The following FRG1 variants were observed in gnomAD, a reference collection of about 807,000 sequenced individuals.
The protein encoded by FRG1 is FSHD region gene 1.
In FRG1, 19 loss-of-function variants were observed where a neutral mutation model predicts 37.0. The observed-to-expected ratio is 0.51, with a 90% CI of 0.36 to 0.75. The LOEUF (loss-of-function observed/expected upper bound fraction) is 0.75, where lower values mean the gene tolerates loss of function less well. Among genes scored for constraint, FRG1 ranks in the 30% least tolerant of loss-of-function variants. FRG1 has a pLI of 0.00. For missense variants in FRG1, 243 were observed against 301.4 expected (o/e 0.81, Z 1.44); for synonymous variants, 73 against 96.5 (o/e 0.76, Z 1.43).
chr4:189,945,202 G>T (rs1181785128), intron 2 of FRG1, among the ~76,000 whole-genome samples: 1 of 152,180 alleles, frequency 6.6e-6, no homozygotes, highest in African/African-American at 2.4e-5. Flanking sequence ...TATGTTTCCT[G>T]TGACTATCGT....
At chr4:189,962,888 T>C (rs1028421285) in intron 8 of FRG1, among the ~76,000 whole-genome samples, 1 of 152,174 alleles carries the variant, frequency 6.6e-6, no homozygotes, top group African/African-American at 2.4e-5. Flanking sequence ...TAGGCAACAT[T>C]TATTGAATAT....
chr4:189,945,559 T>A (rs1007064368), intron 2 of FRG1, among the ~76,000 whole-genome samples: 2 of 152,186 alleles, frequency 1.3e-5, no homozygotes, highest in African/African-American at 2.4e-5. Context: ...CATTTTCAAC[T>A]TTTAAACTAA....
intron 7 of FRG1, 76 bp downstream of exon 7, chr4:189,960,915 C>T: frequency 1.3e-6 from 2 of 1,532,258 alleles, no homozygotes; most frequent in Non-Finnish European, 1.8e-6. Flanking sequence ...AATAAATTAC[C>T]TACTTAGCTG....
chr4:189,951,323 A>C (rs539375539), intron 2 of FRG1, among the ~76,000 whole-genome samples: 1 of 152,048 alleles, frequency 6.6e-6, no homozygotes, highest in East Asian at 1.9e-4. Context: ...CCCCGTGTCT[A>C]CTAAAAATAC....
chr4:189,947,121 C>T (rs1289765515), intron 2 of FRG1, among the ~76,000 whole-genome samples: 1 of 152,236 alleles, frequency 6.6e-6, no homozygotes, highest in Non-Finnish European at 1.5e-5. Context: ...GGGATCCAGG[C>T]GTGAGCCGCG....
intron 6 of FRG1, among the ~76,000 whole-genome samples, chr4:189,959,347 G>A (rs1256133496): frequency 6.6e-6 from 1 of 152,162 alleles, no homozygotes; most frequent in South Asian, 2.1e-4. Flanking sequence ...GTGGATGTGA[G>A]CTCAGCATTA....
intron 2 of FRG1, among the ~76,000 whole-genome samples, chr4:189,950,306 C>G (rs113034067): frequency 7.4e-3 from 963 of 130,460 alleles, no homozygotes; most frequent in Middle Eastern, 0.013. Flanking sequence ...AATATTTTCT[C>G]CATTCCCTGG....
intron 7 of FRG1, chr4:189,961,293 C>T (rs1315252402): frequency 5.0e-5 from 8 of 158,940 alleles, no homozygotes; most frequent in Admixed American, 6.2e-5. Flanking sequence ...AGCCAGCATG[C>T]CCTAATAGAA....
At chr4:189,954,969 C>A in intron 4 of FRG1, 68 bp from the exon 5 acceptor site, 1 of 910,810 alleles carries the variant, frequency 1.1e-6, no homozygotes, top group East Asian at 2.6e-5. Flanking sequence ...ATACGCATGT[C>A]CTGTTTTGAT....
intron 2 of FRG1, among the ~76,000 whole-genome samples, chr4:189,945,276 A>G (rs1736477257): frequency 6.6e-6 from 1 of 152,206 alleles, no homozygotes; most frequent in Non-Finnish European, 1.5e-5. Context: ...TATACTGTCC[A>G]GGACTTCTAT....
intron 6 of FRG1, chr4:189,959,923 G>A (rs978611707): frequency 2.1e-6 from 2 of 974,174 alleles, no homozygotes; most frequent in African/African-American, 3.5e-5. Context: ...CTTACTAAAG[G>A]TAGCCTTGTG....
intron 2 of FRG1, among the ~76,000 whole-genome samples, chr4:189,948,479 T>G (rs1736619917): frequency 6.6e-6 from 1 of 152,192 alleles, no homozygotes; most frequent in African/African-American, 2.4e-5. Flanking sequence ...TAGACTACAG[T>G]AAGATTGGGG....
chr4:189,955,279 C>A, intron 5 of FRG1, 128 bp downstream of exon 5: 1 of 603,196 alleles, frequency 1.7e-6, no homozygotes, highest in Non-Finnish European at 3.0e-6. Flanking sequence ...AGGAATAAAT[C>A]AATAAGAACA....
chr4:189,945,831 G>A (rs918708887), intron 2 of FRG1, among the ~76,000 whole-genome samples: 4 of 152,132 alleles, frequency 2.6e-5, no homozygotes, highest in African/African-American at 9.7e-5. Context: ...GTAGAGATGG[G>A]TATGAGTTGT....
intron 1 of FRG1, 40 bp from the exon 2 acceptor site, chr4:189,943,162 C>T: frequency 6.6e-7 from 1 of 1,508,814 alleles, no homozygotes; most frequent in Non-Finnish European, 9.0e-7. Context: ...TCGTACAAAT[C>T]AATATACCTA....
At chr4:189,948,155 G>A (rs1448531792) in intron 2 of FRG1, among the ~76,000 whole-genome samples, 1 of 152,104 alleles carries the variant, frequency 6.6e-6, no homozygotes, top group East Asian at 1.9e-4. Context: ...TGCCGTATAA[G>A]TAAGCATGTG....
At chr4:189,957,317 A>G (rs12641802) in intron 5 of FRG1, 81 bp from the exon 6 acceptor site, 393,018 of 1,420,392 alleles carry the variant, frequency 0.28, 32,459 homozygotes, top group African/African-American at 0.44. Context: ...ATCAGGGAGG[A>G]AAAATTAATT....
intron 4 of FRG1, among the ~76,000 whole-genome samples, chr4:189,953,454 C>T (rs1736848193): frequency 6.6e-6 from 1 of 152,030 alleles, no homozygotes; most frequent in African/African-American, 2.4e-5. Flanking sequence ...CAAAGGCAAA[C>T]AGGAAGACTA....
Position 189,952,237 on chromosome 4 carries a change from T to G in FRG1, c.209T>G (p.Ile70Arg), listed in dbSNP as rs1736785657. ...ATTGAAATGGATAAGGGAACCTATA[T>G]ACATGCACTCGACAATGGTCTTTTT... ...IAIEMDKGTY[I>R]HALDNGLFTL... The change falls in exon 3 of 9, where the codon ATA becomes AGA. Residue 70 changes from isoleucine (I) to arginine (R), a missense_variant. Transcript: ENST00000226798. 2 of 1,610,308 alleles carry G rather than the reference T, an allele frequency of 1.2e-6. No homozygotes were observed. Among genetic ancestry groups the G allele is most frequent in the Non-Finnish European group, 1.7e-6 (2 of 1,178,632 alleles).
Sources: gnomAD v4.1 joint callset for allele counts (sites outside exome capture counted in the v4.1 genomes callset) on GRCh38, gnomAD v4.1.1 for gene constraint, MANE v1.5 for transcripts, NCBI Gene and HGNC (gene_info 2026-07-23, HGNC 2026-07-21) for gene names.